Variants in TXNRD3 observed in about 807,000 individuals in gnomAD.
The protein encoded by TXNRD3 is thioredoxin reductase 3.
In TXNRD3, 68 loss-of-function variants were observed where a neutral mutation model predicts 78.2. The ratio of observed to expected loss-of-function variants is 0.87; its 90% confidence interval spans 0.72 to 1.06. The LOEUF is 1.06. Among genes scored for constraint, TXNRD3 ranks in the 50% least tolerant of loss-of-function variants. The pLI is 0.00. For missense variants in TXNRD3, 751 were observed against 809.5 expected, an observed-to-expected ratio of 0.93 and a Z score of 0.88; for synonymous variants, 296 against 300.1, an observed-to-expected ratio of 0.99 and a Z score of 0.14.
intron 1 of TXNRD3, among the ~76,000 whole-genome samples, chr3:126,649,205 A>C (rs1933315239): frequency 6.6e-6 from 1 of 152,254 alleles, no homozygotes; most frequent in African/African-American, 2.4e-5. Flanking sequence ...ATTTCTTCAA[A>C]TAAGAGATAT....
At chr3:126,642,425 T>C (rs1433833994) in intron 5 of TXNRD3, among the ~76,000 whole-genome samples, 2 of 152,218 alleles carry the variant, frequency 1.3e-5, no homozygotes. Context: ...GAGATCAGAA[T>C]GATCTAAGAT....
rs1345684614 is a variant in TXNRD3 at position 126,632,609 on chromosome 3, A to C, written c.856-730T>G. On this transcript the variant is annotated intron_variant, in intron 7 of 15. Coordinates refer to ENST00000524230, the MANE Select transcript of TXNRD3 (RefSeq NM_052883.3). Reference sequence around the variant, plus strand: ...CGGGAGCTGGAGGTTGCAGTGAATCAAGATCACGCCACTGCACTCCATCCT... The same window carrying C: ...CGGGAGCTGGAGGTTGCAGTGAATCCAGATCACGCCACTGCACTCCATCCT... Among the ~76,000 whole-genome samples the C allele has an allele frequency of 2.7e-5, 4 of 150,798 alleles. No homozygotes were observed. In the East Asian group the frequency reaches 5.8e-4, roughly 22 times the overall value.
Position 126,621,888 on chromosome 3 carries a change from T to G in TXNRD3, c.1378A>C (p.Ile460Leu). ...GTCTGTTCCACATCATTTACAGGTA[T>G]TTTTCCACTCCTATTAGTTTTTGAA... Residue 460 changes from isoleucine (I) to leucine (L), a missense_variant, in exon 12 of 16, where the codon ATA (isoleucine) becomes CTA (leucine). By Grantham distance (5) the Ile-to-Leu change is conservative (BLOSUM62 2). Coordinates refer to ENST00000524230, the MANE Select transcript of TXNRD3 (RefSeq NM_052883.3). 1 of 1,509,880 alleles carries G rather than the reference T, an allele frequency of 6.6e-7. No homozygotes were observed. Among genetic ancestry groups the G allele is most frequent in the South Asian group, 1.3e-5 (1 of 78,210 alleles). The allele number at this position is 1,509,880 out of a possible 1,614,324, so 93.5% of individuals were successfully genotyped here.
At chr3:126,608,699 C>A in intron 14 of TXNRD3, 66 bp from the exon 15 acceptor site, 1 of 1,450,206 alleles carries the variant, frequency 6.9e-7, no homozygotes, top group Non-Finnish European at 9.1e-7. Context: ...GATCCATTCA[C>A]TGCAAATTCA....
chr3:126,610,942 C>A, intron 14 of TXNRD3, 95 bp downstream of exon 14: 1 of 739,452 alleles, frequency 1.4e-6, no homozygotes, highest in Non-Finnish European at 2.0e-6. Flanking sequence ...GGCAAGATCC[C>A]GTCTCTAAAA....
chr3:126,609,202 T>C, intron 14 of TXNRD3: 1 of 420,076 alleles, frequency 2.4e-6, no homozygotes, highest in South Asian at 1.7e-5. Context: ...AGGCTGTCCA[T>C]TTGTCAATGT....
At chr3:126,638,434 A>T (rs2107622827) in intron 6 of TXNRD3, among the ~76,000 whole-genome samples, 1 of 152,268 alleles carries the variant, frequency 6.6e-6, no homozygotes, top group Non-Finnish European at 1.5e-5. Flanking sequence ...AGCACCCCAA[A>T]GACTTAGAAA....
At chr3:126,630,058 G>A (rs1172256533) in intron 9 of TXNRD3, among the ~76,000 whole-genome samples, 1 of 152,258 alleles carries the variant, frequency 6.6e-6, no homozygotes, top group Non-Finnish European at 1.5e-5. Flanking sequence ...ATGGGTGCTG[G>A]AGTCTGTAGG....
At chr3:126,629,569 T>TTGG in intron 9 of TXNRD3, 98 bp from the exon 10 acceptor site, 1 of 902,776 alleles carries the variant, frequency 1.1e-6, no homozygotes. Flanking sequence ...ATTTGTGTGT[T>TTGG]TGGTGGTGGT....
intron 1 of TXNRD3, among the ~76,000 whole-genome samples, chr3:126,651,462 G>A (rs920437047): frequency 2.0e-5 from 3 of 152,184 alleles, no homozygotes; most frequent in Non-Finnish European, 4.4e-5. Context: ...AACACATACA[G>A]AATAGAGGAT....
chr3:126,641,109 C>T (rs1260892518), intron 6 of TXNRD3, among the ~76,000 whole-genome samples: 9 of 152,142 alleles, frequency 5.9e-5, no homozygotes, highest in Non-Finnish European at 1.0e-4. Flanking sequence ...ATAATCATTT[C>T]GAAACAATCA....
intron 5 of TXNRD3, among the ~76,000 whole-genome samples, chr3:126,643,638 T>C (rs1030412792): frequency 1.3e-5 from 2 of 152,166 alleles, no homozygotes; most frequent in African/African-American, 4.8e-5. Flanking sequence ...TTTTGCAAAA[T>C]CTTCCTTATT....
rs1372909483 is a variant in TXNRD3, at chr3:126,646,236, A to T, written c.305-16T>A. On this transcript the variant is annotated splice_polypyrimidine_tract_variant and intron_variant, in intron 2 of 15. Transcript: ENST00000524230. ...GCCCCATCATCTAAAGAAGAAAAAA[A>T]CTATATATAAAAACACTGAAAAGAG... The T allele has an allele frequency of 4.7e-6, 7 of 1,496,420 alleles. No individual in the cohort carries two copies. The South Asian group carries it at 7.8e-5, about 17-fold the overall frequency. 92.7% of individuals were successfully genotyped at this position (1,496,420 alleles called of 1,614,324 possible). A position where few individuals can be genotyped will look rare whatever the true frequency, so the allele number is the denominator to read the frequency against.
In TXNRD3 at chr3:126,633,995, T is replaced by A; in HGVS notation, c.769A>T (p.Asn257Tyr). Residue 257 changes from asparagine to tyrosine, a missense_variant, in exon 7 of 16, where the codon AAC becomes TAC. By Grantham distance (143) the Asn-to-Tyr change is moderately radical (BLOSUM62 -2). Coordinates refer to ENST00000524230, the MANE Select transcript of TXNRD3 (RefSeq NM_052883.3). Reference sequence around the variant, plus strand: ...CTCAGAGACAACCTGTAGCCCCAGTTTAGAGAGCTGATGTGGTTCTGAATC... The same window carrying A: ...CTCAGAGACAACCTGTAGCCCCAGTATAGAGAGCTGATGTGGTTCTGAATC... 6.5e-7 allele frequency: 1 copy of A among 1,530,334 alleles called. No individual in the cohort carries two copies. The highest frequency in any genetic ancestry group is 2.4e-5 in the East Asian group (1 of 40,852). The allele number at this position is 1,530,334 out of a possible 1,614,324, so 94.8% of individuals were successfully genotyped here. A position where few individuals can be genotyped will look rare whatever the true frequency, so the allele number is the denominator to read the frequency against.
At position 126,630,868 on chromosome 3, in the gene TXNRD3, C is replaced by A. The variant is rs1245894274; in HGVS notation, c.1041G>T (p.Leu347=). ...AGCCAGCCAGAAACCCTGCACACTC[C>A]AGGGCAACATAAGAGGCACCCACCA... The change falls in exon 9 of 16, where the codon CTG becomes CTT. Residue 347 remains leucine, a synonymous_variant. Transcript: ENST00000524230. 1 of 1,535,946 alleles carries A rather than the reference C, an allele frequency of 6.5e-7. No individual in the cohort carries two copies. The highest frequency in any genetic ancestry group is 2.0e-5 in the Admixed American group (1 of 50,984).
chr3:126,632,028 CACAGAAA>C lies in TXNRD3; in HGVS notation c.856-156_856-150del, dbSNP rs1938727301. 3 of 614,996 alleles carry C rather than the reference CACAGAAA, an allele frequency of 4.9e-6. No individual in the cohort carries two copies. The East Asian group carries it at 8.3e-5, about 17-fold the overall frequency. 38.1% of individuals were successfully genotyped at this position (614,996 alleles called of 1,614,324 possible). ...AATAATGCAATGTGATAAGCACAAG[CACAGAAA>C]ACAGAAGTCTTTATGAAATATTAAT... On this transcript the variant is annotated intron_variant, in intron 7 of 15. Coordinates refer to ENST00000524230, the MANE Select transcript of TXNRD3 (RefSeq NM_052883.3).
rs559544098 is a variant in TXNRD3 at position 126,624,313 on chromosome 3, C to T, written c.1291-1773G>A. Among the ~76,000 whole-genome samples the T allele has an allele frequency of 6.6e-4, 100 of 152,278 alleles. 1 individual carries two copies. The highest frequency in any genetic ancestry group is 1.2e-3 in the Non-Finnish European group (85 of 68,018). ...AATTAGAGGACTCACTCTACCTGAT[C>T]TAAGACTTACCACTGAGCTTCAGTA... is the stretch of plus-strand genomic sequence containing the variant. On this transcript the variant is annotated intron_variant, in intron 10 of 15. Coordinates refer to ENST00000524230, the MANE Select transcript of TXNRD3 (RefSeq NM_052883.3).
intron 6 of TXNRD3, among the ~76,000 whole-genome samples, chr3:126,640,454 A>C (rs1933047939): frequency 6.6e-6 from 1 of 151,864 alleles, no homozygotes; most frequent in African/African-American, 2.4e-5. Flanking sequence ...TTTCCCCCCC[A>C]GTCTCTCTTC....
chr3:126,644,686 T>A (rs758385402), intron 3 of TXNRD3, among the ~76,000 whole-genome samples: 1 of 152,230 alleles, frequency 6.6e-6, no homozygotes, highest in African/African-American at 2.4e-5. Flanking sequence ...CTATGTAAGA[T>A]GAGGTCATTT....
Sources: allele counts gnomAD v4.1 joint callset (sites outside exome capture counted in the v4.1 genomes callset), GRCh38; gene constraint gnomAD v4.1.1; transcripts MANE v1.5; gene names NCBI Gene and HGNC (gene_info 2026-07-23, HGNC 2026-07-21).